MAP3K5: variants seen among roughly 807,000 people sequenced by gnomAD.
MAP3K5 encodes ASK-1.
Under a neutral mutation model 158.7 loss-of-function variants are expected in MAP3K5, and 56 were observed. The ratio of observed to expected loss-of-function variants is 0.35; its 90% CI spans 0.28 to 0.44. MAP3K5 has a LOEUF of 0.44. Among genes scored for constraint, MAP3K5 ranks in the 20% least tolerant of loss-of-function variants. The pLI is 1.00. For synonymous variants in MAP3K5, 579 were observed against 601.7 expected, an observed-to-expected ratio of 0.96 and a Z score of 0.55; for missense variants, 1,294 against 1,674.8, an observed-to-expected ratio of 0.77 and a Z score of 3.97.
At chr6:136,689,573 C>A (rs1242707924) in intron 7 of MAP3K5, among the ~76,000 whole-genome samples, 2 of 152,126 alleles carry the variant, frequency 1.3e-5, no homozygotes, top group African/African-American at 2.4e-5. Context: ...AGGTGAAAGG[C>A]CACGAGGGCT....
At chr6:136,771,610 C>T (rs1784202203) in intron 1 of MAP3K5, among the ~76,000 whole-genome samples, 1 of 152,170 alleles carries the variant, frequency 6.6e-6, no homozygotes, top group Admixed American at 6.5e-5. Flanking sequence ...TGCAAAGCTG[C>T]CCTGAGCTAC....
intron 25 of MAP3K5, among the ~76,000 whole-genome samples, chr6:136,577,535 T>C (rs1400327943): frequency 2.0e-5 from 3 of 152,232 alleles, no homozygotes; most frequent in African/African-American, 4.8e-5. Flanking sequence ...CAAACACTTT[T>C]AATAAAAAAT....
intron 3 of MAP3K5, 83 bp downstream of exon 3, chr6:136,705,027 G>A (rs996837396): frequency 1.5e-6 from 1 of 668,870 alleles, no homozygotes; most frequent in Non-Finnish European, 2.5e-6. Flanking sequence ...TTAATAATTT[G>A]TGGAGATTTT....
chr6:136,605,686 G>A lies in MAP3K5; in HGVS notation c.2522-320C>T, dbSNP rs189088189. 8.6e-3 allele frequency among the ~76,000 whole-genome samples: 1,307 copies of A among 152,316 alleles called. 13 individuals are homozygous for A. The highest frequency in any genetic ancestry group is 0.017 in the Middle Eastern group (5 of 294). ...GCTTCTTAGAAACTTCTAACAATTA[G>A]TCTTTTGAGAACAATAACATCAGTA... On this transcript the variant is annotated intron_variant, in intron 18 of 29. Transcript: ENST00000359015.
At chr6:136,724,452 T>A (rs927423735) in intron 1 of MAP3K5, among the ~76,000 whole-genome samples, 4 of 152,132 alleles carry the variant, frequency 2.6e-5, no homozygotes, top group Non-Finnish European at 4.4e-5. Context: ...TTCGCCATGT[T>A]GGCCAGGCTG....
chr6:136,774,547 G>A (rs1220550416), intron 1 of MAP3K5, among the ~76,000 whole-genome samples: 1 of 152,192 alleles, frequency 6.6e-6, no homozygotes, highest in Non-Finnish European at 1.5e-5. Flanking sequence ...AGCCGCTCCA[G>A]GAAAGGGATG....
intron 8 of MAP3K5, among the ~76,000 whole-genome samples, chr6:136,660,252 T>C (rs1778946356): frequency 6.6e-6 from 1 of 151,946 alleles, no homozygotes; most frequent in Admixed American, 6.6e-5. Context: ...CTTAAAACAT[T>C]AAAGAAATAA....
chr6:136,713,387 A>T (rs1353548973), intron 2 of MAP3K5, among the ~76,000 whole-genome samples: 4 of 152,202 alleles, frequency 2.6e-5, no homozygotes, highest in African/African-American at 9.6e-5. Flanking sequence ...GGAAGGAGAA[A>T]GCAAGGGCAT....
chr6:136,676,964 G>A (rs1216173697), intron 7 of MAP3K5, among the ~76,000 whole-genome samples: 4 of 144,814 alleles, frequency 2.8e-5, no homozygotes, highest in Admixed American at 6.9e-5. Context: ...GCTAATTTTT[G>A]TATTTTTAGT....
Position 136,755,345 on chromosome 6 carries a change from C to G in MAP3K5, c.449-34756G>C, listed in dbSNP as rs111915685. Among the ~76,000 whole-genome samples, 587 of 152,132 alleles carry G rather than the reference C, an allele frequency of 3.9e-3. 3 individuals are homozygous for G. The highest frequency in any genetic ancestry group is 0.014 in the African/African-American group (571 of 41,492). On this transcript the variant is annotated intron_variant, in intron 1 of 29. Coordinates refer to ENST00000359015, the MANE Select transcript of MAP3K5 (RefSeq NM_005923.4). ...AATGCTCCTCACTCTTCACCTAGGC[C>G]CTCAGACACAGGGTCTCCTCTCCCA...
At chr6:136,706,005 C>T (rs956757357) in intron 2 of MAP3K5, among the ~76,000 whole-genome samples, 2 of 152,178 alleles carry the variant, frequency 1.3e-5, no homozygotes, top group African/African-American at 4.8e-5. Flanking sequence ...TGCCTGTAAT[C>T]CCAGCACTTT....
chr6:136,557,791 C>T lies in MAP3K5; in HGVS notation c.4092G>A (p.Lys1364=). The change falls in exon 30 of 30, where the codon AAG becomes AAA. Residue 1364 remains lysine, a synonymous_variant. Coordinates refer to ENST00000359015, the MANE Select transcript of MAP3K5 (RefSeq NM_005923.4). ...LRGGMLCTLW[K]AIIDFRNKQT The stretch of plus-strand genomic sequence containing the variant: ...GTTTGTTTCGAAAGTCAATGATAGC[C>T]TTCCACAGTGTGCACAGCATCCCTC... 1 of 1,612,824 alleles carries T rather than the reference C, an allele frequency of 6.2e-7. No homozygotes were observed. Among genetic ancestry groups the T allele is most frequent in the East Asian group, 2.2e-5 (1 of 44,866 alleles).
chr6:136,760,305 G>T (rs1783691176), intron 1 of MAP3K5, among the ~76,000 whole-genome samples: 1 of 151,916 alleles, frequency 6.6e-6, no homozygotes, highest in Admixed American at 6.6e-5. Flanking sequence ...ACAAACATAA[G>T]GCCATTTAGT....
chr6:136,561,560 A>G lies in MAP3K5; in HGVS notation c.3960T>C (p.Asn1320=), dbSNP rs770916361. The G allele has an allele frequency of 2.0e-5, 33 of 1,613,496 alleles. No homozygotes were observed. The highest frequency in any genetic ancestry group is 2.1e-5 in the Non-Finnish European group (25 of 1,179,496). ...GGCTTATAGTGTCTTCATCAGCTCC[A>G]TTCACTCTCAGCCAGTCGGTAAGTT... ...DSELTDWLRV[N]GADEDTISRF... Residue 1320 remains asparagine, a synonymous_variant, in exon 28 of 30, where the codon AAT becomes AAC. Transcript: ENST00000359015.
chr6:136,623,110 A>C (rs1776884231), intron 14 of MAP3K5, 129 bp from the exon 15 acceptor site: 1 of 773,310 alleles, frequency 1.3e-6, no homozygotes, highest in African/African-American at 1.7e-5. Flanking sequence ...AGTTCTAAGA[A>C]GCAGCTTCAA....
chr6:136,654,632 GA>G (rs1211411118), intron 10 of MAP3K5, among the ~76,000 whole-genome samples: 1 of 152,028 alleles, frequency 6.6e-6, no homozygotes, highest in Non-Finnish European at 1.5e-5. Flanking sequence ...TTTTAGTAGA[GA>G]CAGGGTTTCT....
At chr6:136,670,380 C>A (rs1207370764) in intron 7 of MAP3K5, among the ~76,000 whole-genome samples, 4 of 151,752 alleles carry the variant, frequency 2.6e-5, no homozygotes, top group Non-Finnish European at 5.9e-5. Context: ...AGAGGAACTG[C>A]CTGAGGCCAA....
At chr6:136,757,897 C>A (rs1449152461) in intron 1 of MAP3K5, among the ~76,000 whole-genome samples, 1 of 152,038 alleles carries the variant, frequency 6.6e-6, no homozygotes, top group Non-Finnish European at 1.5e-5. Flanking sequence ...TTTTATAGAT[C>A]TTAGAGGCTT....
intron 1 of MAP3K5, among the ~76,000 whole-genome samples, chr6:136,735,285 C>A (rs963750129): frequency 1.2e-4 from 19 of 152,184 alleles, no homozygotes; most frequent in Middle Eastern, 6.8e-3. Context: ...AATTCCTTAA[C>A]AAAAACATCA....
Sources: allele counts gnomAD v4.1 joint callset (sites outside exome capture counted in the v4.1 genomes callset), GRCh38; gene constraint gnomAD v4.1.1; transcripts MANE v1.5; gene names NCBI Gene and HGNC (gene_info 2026-07-23, HGNC 2026-07-21).